The following PTGR3 variants were observed in gnomAD, a reference collection of about 807,000 sequenced individuals.
PTGR3 encodes zinc binding alcohol dehydrogenase domain containing 2.
the PTGR3 span, chr18:75,205,533 C>T: frequency 1.3e-5 from 13 of 972,092 alleles, no homozygotes; most frequent in Non-Finnish European, 1.6e-5. Context: ...CTAGAGTCAC[C>T]AGCTTATATG....
chr18:75,205,280 G>C, the PTGR3 span: 1 of 985,718 alleles, frequency 1.0e-6, no homozygotes, highest in African/African-American at 1.7e-5. Context: ...CGGGGCTCGG[G>C]ATGGGGAGCA....
the PTGR3 span, chr18:75,208,433 T>G: frequency 1.0e-6 from 1 of 994,080 alleles, no homozygotes; most frequent in Non-Finnish European, 1.2e-6. Context: ...AACGTCGCAG[T>G]TTGCGTCCAG....
At chr18:75,203,349 T>C in the PTGR3 span, among the ~76,000 whole-genome samples, 10 of 152,112 alleles carry the variant, frequency 6.6e-5, no homozygotes, top group African/African-American at 2.4e-4. Flanking sequence ...CCACCTGTAA[T>C]AGAATGAAAA....
At chr18:75,195,604 C>A in the PTGR3 span, 1 of 152,092 alleles carries the variant, frequency 6.6e-6, no homozygotes, top group Non-Finnish European at 1.5e-5. Flanking sequence ...CTTTAAATCC[C>A]ACATTTAACA....
the PTGR3 span, chr18:75,201,148 A>T: frequency 1.2e-5 from 5 of 433,704 alleles, no homozygotes; most frequent in African/African-American, 2.0e-5. Context: ...GAACAATAAC[A>T]TCTGGAACGA....
At chr18:75,197,872 T>C in the PTGR3 span, 1 of 151,642 alleles carries the variant, frequency 6.6e-6, no homozygotes. Flanking sequence ...CCTAGGAAAT[T>C]ACTGTCCAAA....
chr18:75,197,228 T>A, the PTGR3 span: 2 of 152,180 alleles, frequency 1.3e-5, no homozygotes, highest in African/African-American at 4.8e-5. Context: ...AGGGTGACTA[T>A]AAGCAATAAT....
the PTGR3 span, chr18:75,208,732 G>T: frequency 9.5e-7 from 1 of 1,047,562 alleles, no homozygotes; most frequent in Non-Finnish European, 1.2e-6. Context: ...CAGGCTGTGC[G>T]CCCGAGCGCG....
chr18:75,202,497 A>G, the PTGR3 span, among the ~76,000 whole-genome samples: 4 of 152,186 alleles, frequency 2.6e-5, no homozygotes, highest in African/African-American at 9.7e-5. Flanking sequence ...CTGCTCAGAT[A>G]AAAAAAGAAA....
At chr18:75,208,601 T>G in the PTGR3 span, 1 of 908,644 alleles carries the variant, frequency 1.1e-6, no homozygotes. Flanking sequence ...GAATCCCAAA[T>G]TAAAATAACC....
the PTGR3 span, chr18:75,196,098 C>G: frequency 6.6e-6 from 1 of 152,184 alleles, no homozygotes; most frequent in Non-Finnish European, 1.5e-5. Flanking sequence ...ACCAAACAAA[C>G]CATCCATTTG....
chr18:75,198,353 C>T, the PTGR3 span: 1 of 152,172 alleles, frequency 6.6e-6, no homozygotes, highest in Admixed American at 6.5e-5. Flanking sequence ...GAAGCAGCTA[C>T]TTGTCACTGC....
At chr18:75,198,420 C>G in the PTGR3 span, 2 of 152,228 alleles carry the variant, frequency 1.3e-5, no homozygotes, top group African/African-American at 4.8e-5. Context: ...GAGGCTCTAT[C>G]CTACTCCTGA....
chr18:75,208,997 A>T, the PTGR3 span: 3 of 1,592,554 alleles, frequency 1.9e-6, no homozygotes, highest in South Asian at 3.4e-5. Context: ...GAAGTCCAGG[A>T]AGTGGCGGGC....
chr18:75,203,559 T>C, the PTGR3 span, among the ~76,000 whole-genome samples: 3 of 152,198 alleles, frequency 2.0e-5, no homozygotes, highest in Admixed American at 1.3e-4. Context: ...CTGTATATTG[T>C]AGAAATAAGA....
chr18:75,204,263 T>TC, the PTGR3 span, among the ~76,000 whole-genome samples: 1 of 152,108 alleles, frequency 6.6e-6, no homozygotes, highest in Non-Finnish European at 1.5e-5. Context: ...ACCCCCCCTC[T>TC]CCCCGCCCCA....
At chr18:75,200,658 T>G in the PTGR3 span, 6 of 152,164 alleles carry the variant, frequency 3.9e-5, no homozygotes, top group Non-Finnish European at 8.8e-5. Context: ...ATATTAATTT[T>G]AAGTCCCCCT....
the PTGR3 span, chr18:75,202,322 T>G: frequency 6.2e-7 from 1 of 1,610,252 alleles, no homozygotes; most frequent in African/African-American, 1.3e-5. Flanking sequence ...TGATGTCAGA[T>G]GCGTTAACAC....
chr18:75,196,921 G>C, the PTGR3 span: 1 of 152,110 alleles, frequency 6.6e-6, no homozygotes, highest in Non-Finnish European at 1.5e-5. Context: ...AATTAAACAG[G>C]ATTCAAGCAG....
Sources: allele counts gnomAD v4.1 joint callset (sites outside exome capture counted in the v4.1 genomes callset), GRCh38; gene constraint gnomAD v4.1.1; transcripts MANE v1.5; gene names NCBI Gene and HGNC (gene_info 2026-07-23, HGNC 2026-07-21).